The following IL25 variants were observed in gnomAD, a reference collection of about 807,000 sequenced individuals.
The protein encoded by IL25 is interleukin-25.
In IL25, 10 loss-of-function variants were observed where a neutral mutation model predicts 13.2. The ratio of observed to expected loss-of-function variants is 0.76; its 90% confidence interval spans 0.47 to 1.29. IL25 has a LOEUF of 1.29. Ranked by LOEUF, IL25 falls within the 50% of genes most tolerant of loss-of-function variation. The probability of loss-of-function intolerance (pLI) is 0.00; values close to 1 mark genes in which losing one functional copy is unlikely to be tolerated. For missense variants in IL25, 235 were observed against 232.4 expected, an observed-to-expected ratio of 1.01 and a Z score of -0.07; for synonymous variants, 107 against 92.1, an observed-to-expected ratio of 1.16 and a Z score of -0.93.
intron 1 of IL25, among the ~76,000 whole-genome samples, chr14:23,374,421 G>T (rs1244786565): frequency 6.6e-6 from 1 of 152,164 alleles, no homozygotes; most frequent in Non-Finnish European, 1.5e-5. Flanking sequence ...GGTAAACTTG[G>T]GAAAGACTGC....
exon 2 of IL25, chr14:23,375,724 C>A: frequency 6.2e-7 from 1 of 1,614,244 alleles, no homozygotes; most frequent in Non-Finnish European, 8.5e-7. Context: ...ACATGGACCC[C>A]CGGGGCAACT....
At chr14:23,375,886 C>A (rs1292874401) in exon 2 of IL25, 1 of 1,612,572 alleles carries the variant, frequency 6.2e-7, no homozygotes. Context: ...GCTAGCCGGA[C>A]CTGCTGGAGG....
intron 1 of IL25, among the ~76,000 whole-genome samples, chr14:23,374,050 C>T (rs534663007): frequency 6.6e-6 from 1 of 152,072 alleles, no homozygotes; most frequent in African/African-American, 2.4e-5. Context: ...AAACTAGGGT[C>T]TTAGGGATTC....
intron 1 of IL25, 22 bp from the exon 3 acceptor site, chr14:23,375,603 C>T (rs1224432138): frequency 7.5e-6 from 12 of 1,606,916 alleles, no homozygotes; most frequent in Non-Finnish European, 1.0e-5. Context: ...TTTCCAAGGC[C>T]TGACAAGTGC....
At chr14:23,374,462 G>C (rs1327914978) in intron 1 of IL25, among the ~76,000 whole-genome samples, 1 of 152,224 alleles carries the variant, frequency 6.6e-6, no homozygotes, top group Non-Finnish European at 1.5e-5. Flanking sequence ...GATTCATACT[G>C]TCATTGTACA....
chr14:23,373,601 GT>G (rs534803213), intron 1 of IL25, among the ~76,000 whole-genome samples: 7,378 of 144,658 alleles, frequency 0.051, 199 homozygotes, highest in African/African-American at 0.072. Context: ...AAAACTCAGG[GT>G]TTTTTTTTTT....
At chr14:23,373,476 T>A in intron 1 of IL25, 80 bp downstream of exon 2, 1 of 1,270,582 alleles carries the variant, frequency 7.9e-7, no homozygotes, top group Non-Finnish European at 1.1e-6. Flanking sequence ...CAATTCCAGC[T>A]TACTTTCCCA....
intron 1 of IL25, among the ~76,000 whole-genome samples, chr14:23,373,839 A>T (rs11465508): frequency 3.3e-5 from 5 of 152,320 alleles, no homozygotes; most frequent in Non-Finnish European, 5.9e-5. Context: ...GGTTAGTTAT[A>T]AGCATACTAA....
chr14:23,372,957 A>G, exon 1 of IL25: 1 of 1,613,588 alleles, frequency 6.2e-7, no homozygotes, highest in Non-Finnish European at 8.5e-7. Context: ...CTGAGTGTGC[A>G]GTGCCCAGCA....
In IL25 at chr14:23,373,114, T is replaced by C. The variant is rs1338311029; in HGVS notation, c.-5T>C. On this transcript the variant is annotated 5_prime_UTR_variant, in exon 1 of 2. Transcript: ENST00000329715. ...AGAAACTGGGATCCCAGGGGGAGGG[T>C]GCAGATGAGGGAGCGACCCAGATTA... is the stretch of plus-strand genomic sequence containing the variant. 3 of 1,613,562 alleles carry C rather than the reference T, an allele frequency of 1.9e-6. No homozygotes were observed. In the South Asian group the frequency reaches 3.3e-5, roughly 18 times the overall value.
intron 1 of IL25, among the ~76,000 whole-genome samples, 175 bp from the exon 3 acceptor site, chr14:23,375,450 A>G (rs1890518275): frequency 6.6e-6 from 1 of 152,050 alleles, no homozygotes; most frequent in African/African-American, 2.4e-5. Context: ...AGTGGGGAAA[A>G]TTTAATAAAG....
intron 1 of IL25, among the ~76,000 whole-genome samples, chr14:23,374,870 A>G (rs1436602674): frequency 1.3e-5 from 2 of 152,012 alleles, no homozygotes; most frequent in Non-Finnish European, 2.9e-5. Context: ...TCTTCTGGGG[A>G]GTGGGGCTGG....
intron 1 of IL25, among the ~76,000 whole-genome samples, chr14:23,373,630 A>G (rs1297197977): frequency 4.0e-5 from 6 of 151,538 alleles, no homozygotes; most frequent in Non-Finnish European, 8.8e-5. Flanking sequence ...GCAAAATGAT[A>G]TAATGCCCCA....
intron 1 of IL25, among the ~76,000 whole-genome samples, chr14:23,373,971 C>G (rs1890477683): frequency 6.6e-6 from 1 of 152,102 alleles, no homozygotes; most frequent in African/African-American, 2.4e-5. Context: ...TATTATAGTT[C>G]TCTATTTGTG....
At chr14:23,373,654 A>G (rs1243401212) in intron 1 of IL25, among the ~76,000 whole-genome samples, 1 of 151,738 alleles carries the variant, frequency 6.6e-6, no homozygotes, top group Non-Finnish European at 1.5e-5. Flanking sequence ...GCTAATGTGC[A>G]GATCAAATGA....
chr14:23,372,841 A>G (rs773634442), upstream of IL25: 5 of 896,838 alleles, frequency 5.6e-6, no homozygotes, highest in Non-Finnish European at 8.7e-6. Context: ...CAGTGGAAAT[A>G]AATTTGAATA....
At position 23,374,752 on chromosome 14, in the gene IL25, A is replaced by G. The variant is rs149051347; in HGVS notation, c.279-873A>G. ...TTTCTTTTTTTTTTTTTGCCATGAA[A>G]TCCTTTCAGAATAAGTAAATAAGTC... On this transcript the variant is annotated intron_variant, in intron 1 of 1. Transcript: ENST00000329715. 1.5e-3 allele frequency among the ~76,000 whole-genome samples: 220 copies of G among 150,306 alleles called. 1 individual carries two copies. The highest frequency in any genetic ancestry group is 4.8e-3 in the African/African-American group (195 of 40,630).
chr14:23,375,643 C>T, exon 2 of IL25: 3 of 1,613,904 alleles, frequency 1.9e-6, no homozygotes, highest in Non-Finnish European at 2.5e-6. Flanking sequence ...GAGACTTGAA[C>T]CGGCTCCCCC....
intron 1 of IL25, 28 bp downstream of exon 2, chr14:23,373,424 TG>T (rs775412091): frequency 6.3e-7 from 1 of 1,580,792 alleles, no homozygotes; most frequent in African/African-American, 1.3e-5. Flanking sequence ...CCCGAATGCC[TG>T]CCCTGTGTGT....
Sources: gnomAD v4.1 joint callset for allele counts (sites outside exome capture counted in the v4.1 genomes callset) on GRCh38, gnomAD v4.1.1 for gene constraint, MANE v1.5 for transcripts, NCBI Gene and HGNC (gene_info 2026-07-23, HGNC 2026-07-21) for gene names.